The following NLRP1 variants were observed in gnomAD, a reference collection of about 807,000 sequenced individuals.
NLRP1 encodes the protein NACHT, LRR and PYD domains-containing protein 1.
NLRP1 carries 94 observed loss-of-function variants against 136.7 expected under a neutral mutation model. The ratio of observed to expected loss-of-function variants is 0.69; its 90% CI spans 0.58 to 0.82. The LOEUF (loss-of-function observed/expected upper bound fraction) is 0.82, where lower values mean the gene tolerates loss of function less well. Ranked by LOEUF, NLRP1 falls within the 40% of genes least tolerant of loss-of-function variation. NLRP1 has a pLI of 0.00. For synonymous variants in NLRP1, 690 were observed against 725.1 expected (o/e 0.95, Z 0.78); for missense variants, 1,575 against 1,802.7 (o/e 0.87, Z 2.29).
chr17:5,515,046 T>G lies in NLRP1; in HGVS notation c.4130A>C (p.Gln1377Pro). ...ATACTGGTCCACAAAGTGCAGCAACTGCGGGGCATCCAGAGGTGAAGGTAC... is the reference window on the plus strand; with the variant it reads ...ATACTGGTCCACAAAGTGCAGCAACGGCGGGGCATCCAGAGGTGAAGGTAC... ...IAVPSPLDAP[Q>P]LLHFVDQYRE... The change falls in exon 17 of 17, where the codon CAG becomes CCG. Residue 1377 changes from glutamine to proline, a missense_variant. By Grantham distance (76) the Gln-to-Pro change is moderately conservative (BLOSUM62 -1). Coordinates refer to ENST00000572272, the MANE Select transcript of NLRP1 (RefSeq NM_033004.4). 6.2e-7 allele frequency: 1 copy of G among 1,614,154 alleles called. No individual in the cohort carries two copies.
Position 5,532,925 on chromosome 17 carries a change from G to A in NLRP1, c.3193C>T (p.Gln1065Ter). 1 of 1,614,046 alleles carries A rather than the reference G, an allele frequency of 6.2e-7. No individual in the cohort carries two copies. Among genetic ancestry groups the A allele is most frequent in the Non-Finnish European group, 8.5e-7 (1 of 1,179,920 alleles). Reference sequence around the variant, plus strand: ...AAAGGCTTCGTATGCAGGTCCCCTTGAGAGGCAGGAGAAGGCACGCACAAG... The same window carrying A: ...AAAGGCTTCGTATGCAGGTCCCCTTAAGAGGCAGGAGAAGGCACGCACAAG... Reference protein sequence around the residue: ...ELLCVPSPASQGDLHTKPLGT... With the variant: ...ELLCVPSPAS The change falls in exon 11 of 17, where the codon CAA (glutamine) becomes TAA (stop). Residue 1065 changes from glutamine to a stop codon, truncating the protein, a stop_gained. Transcript: ENST00000572272. LOFTEE classifies it high-confidence loss of function.
At position 5,514,706 on chromosome 17, in the gene NLRP1, G is replaced by A. The variant is rs778861301; in HGVS notation, c.*48C>T. 4 of 1,598,076 alleles carry A rather than the reference G, an allele frequency of 2.5e-6. No homozygotes were observed. The South Asian group carries it at 4.4e-5, about 18-fold the overall frequency. On this transcript the variant is annotated 3_prime_UTR_variant, in exon 17 of 17. Transcript: ENST00000572272. ...GAGAAAGAAACTGAGACCCAAAGAA[G>A]GGTCAGCCAAAGCCAGGACTCAAGG... is the stretch of plus-strand genomic sequence containing the variant.
At chr17:5,567,282 T>C (rs1216782068) in intron 3 of NLRP1, among the ~76,000 whole-genome samples, 1 of 152,098 alleles carries the variant, frequency 6.6e-6, no homozygotes, top group Non-Finnish European at 1.5e-5. Flanking sequence ...TGATTTTCTC[T>C]GGTGATATAA....
chr17:5,553,638 G>T, intron 4 of NLRP1, 82 bp from the exon 5 acceptor site: 2 of 1,317,400 alleles, frequency 1.5e-6, no homozygotes, highest in Non-Finnish European at 2.1e-6. Context: ...AACACAGTTG[G>T]GCTTTGTCCC....
chr17:5,517,607 T>G, intron 15 of NLRP1, 139 bp downstream of exon 15: 2 of 953,588 alleles, frequency 2.1e-6, no homozygotes, highest in Non-Finnish European at 3.2e-6. Context: ...AGGCTGGTCT[T>G]GAACTCCTGA....
At chr17:5,527,749 C>G (rs1319755878) in intron 12 of NLRP1, among the ~76,000 whole-genome samples, 1 of 152,262 alleles carries the variant, frequency 6.6e-6, no homozygotes, top group African/African-American at 2.4e-5. Context: ...GCCACAAGCA[C>G]AGTGAATTCA....
Position 5,582,036 on chromosome 17 carries a change from C to A in NLRP1, c.475G>T (p.Ala159Ser). Reference protein sequence around the residue: ...REISASLLYQALPSSPDHESP... With the variant: ...REISASLLYQSLPSSPDHESP... ...TCATGGTCTGGGGAGCTTGGAAGAGCTTGGTAGAGGAGTGAGGCAGAGATT... is the reference window on the plus strand; with the variant it reads ...TCATGGTCTGGGGAGCTTGGAAGAGATTGGTAGAGGAGTGAGGCAGAGATT... Residue 159 changes from alanine (A) to serine (S), a missense_variant, in exon 3 of 17, where the codon GCT becomes TCT. Physicochemically the swap from Ala to Ser is moderately conservative, Grantham distance 99 (BLOSUM62 1). Coordinates refer to ENST00000572272, the MANE Select transcript of NLRP1 (RefSeq NM_033004.4). The A allele has an allele frequency of 6.2e-7, 1 of 1,613,652 alleles. No homozygotes were observed. The highest frequency in any genetic ancestry group is 8.5e-7 in the Non-Finnish European group (1 of 1,179,796).
intron 6 of NLRP1, among the ~76,000 whole-genome samples, chr17:5,539,985 C>T (rs1911658165): frequency 1.3e-5 from 2 of 152,228 alleles, no homozygotes; most frequent in South Asian, 4.1e-4. Context: ...AGGGGTGAGC[C>T]ACCGTGCCCG....
chr17:5,526,393 C>T (rs36072614), intron 12 of NLRP1, among the ~76,000 whole-genome samples: 8,964 of 152,242 alleles, frequency 0.059, 315 homozygotes, highest in Middle Eastern at 0.099. Context: ...CTGAGGGATA[C>T]CACTGTGGTT....
At chr17:5,545,329 G>GAC (rs1912439469) in intron 5 of NLRP1, among the ~76,000 whole-genome samples, 1 of 89,958 alleles carries the variant, frequency 1.1e-5, no homozygotes, top group Non-Finnish European at 2.5e-5. Flanking sequence ...CTTACACACA[G>GAC]ACACACAGAC....
intron 4 of NLRP1, among the ~76,000 whole-genome samples, chr17:5,555,965 G>T (rs934495850): frequency 6.6e-6 from 1 of 151,952 alleles, no homozygotes; most frequent in Non-Finnish European, 1.5e-5. Context: ...GTGGTGGTGC[G>T]TGCCTGTAAT....
chr17:5,539,024 C>T (rs548353216), intron 7 of NLRP1, among the ~76,000 whole-genome samples: 2 of 152,236 alleles, frequency 1.3e-5, no homozygotes, highest in South Asian at 2.1e-4. Flanking sequence ...GTGCACACCA[C>T]CATGCCCAGC....
rs141104382 is a variant in NLRP1 at position 5,559,507 on chromosome 17, G to C, written c.1189C>G (p.Gln397Glu). Residue 397 changes from glutamine (Q) to glutamate (E), a missense_variant, in exon 4 of 17, where the codon CAG (glutamine) becomes GAG (glutamate). Physicochemically the swap from Gln to Glu is conservative, Grantham distance 29. Transcript: ENST00000572272. ...DGTATPAPIR[Q>E]ILSRPERLLF... ...AGCCGCTCTGGCCTAGACAGGATCTGTCTAATGGGAGCCGGAGTGGCTGTC... is the reference window on the plus strand; with the variant it reads ...AGCCGCTCTGGCCTAGACAGGATCTCTCTAATGGGAGCCGGAGTGGCTGTC... 2.7e-4 allele frequency: 434 copies of C among 1,614,218 alleles called. 1 individual carries two copies. The African/African-American group carries it at 5.2e-3, about 20-fold the overall frequency.
intron 3 of NLRP1, among the ~76,000 whole-genome samples, chr17:5,579,639 TG>T (rs1370886358): frequency 6.6e-6 from 1 of 152,230 alleles, no homozygotes; most frequent in Non-Finnish European, 1.5e-5. Flanking sequence ...TGTACATGTA[TG>T]TTTATTGCAG....
intron 3 of NLRP1, 136 bp from the exon 4 acceptor site, chr17:5,560,179 C>G: frequency 1.3e-6 from 1 of 799,872 alleles, no homozygotes; most frequent in Non-Finnish European, 1.9e-6. Flanking sequence ...TCTTGCCATG[C>G]GGCGGAAGGA....
At chr17:5,574,182 C>T (rs994534925) in intron 3 of NLRP1, among the ~76,000 whole-genome samples, 4 of 152,020 alleles carry the variant, frequency 2.6e-5, no homozygotes, top group Admixed American at 6.6e-5. Context: ...GTAGCCAATT[C>T]GATCAACTGG....
intron 4 of NLRP1, among the ~76,000 whole-genome samples, chr17:5,557,133 A>T (rs957328121): frequency 2.6e-5 from 4 of 151,694 alleles, no homozygotes; most frequent in African/African-American, 9.7e-5. Context: ...TCTCCCTAAT[A>T]GCTGGGATTA....
intron 12 of NLRP1, among the ~76,000 whole-genome samples, chr17:5,525,001 T>G (rs760852960): frequency 6.6e-6 from 1 of 152,156 alleles, no homozygotes; most frequent in Non-Finnish European, 1.5e-5. Context: ...AGTATATTTG[T>G]GCTGATAGAT....
At chr17:5,549,187 T>G (rs1913024454) in intron 5 of NLRP1, among the ~76,000 whole-genome samples, 1 of 152,234 alleles carries the variant, frequency 6.6e-6, no homozygotes, top group African/African-American at 2.4e-5. Context: ...TTTCCTAATT[T>G]AATTTTTGGA....
Sources: gnomAD v4.1 joint callset for allele counts (sites outside exome capture counted in the v4.1 genomes callset) on GRCh38, gnomAD v4.1.1 for gene constraint, MANE v1.5 for transcripts, NCBI Gene and HGNC (gene_info 2026-07-23, HGNC 2026-07-21) for gene names.